TSC22D1: variants seen among roughly 807,000 people sequenced by gnomAD.
The protein encoded by TSC22D1 is TSC22 domain family protein 1.
In TSC22D1, 9 loss-of-function variants were observed where a neutral mutation model predicts 74.2. The observed-to-expected ratio is 0.12, with a 90% CI of 0.07 to 0.21. The LOEUF is 0.21. Ranked by LOEUF, TSC22D1 falls within the 10% of genes least tolerant of loss-of-function variation. The pLI, the probability that TSC22D1 is intolerant of heterozygous loss-of-function variation, is 1.00. For missense variants in TSC22D1, 1,427 were observed against 1,304.7 expected (o/e 1.09, Z -1.44); for synonymous variants, 586 against 492.5 (o/e 1.19, Z -2.51).
chr13:44,457,984 T>C (rs958928074), intron 1 of TSC22D1, among the ~76,000 whole-genome samples: 16 of 152,226 alleles, frequency 1.1e-4, no homozygotes, highest in African/African-American at 3.9e-4. Context: ...TGGACAGAAT[T>C]AGAAAACTAA....
chr13:44,453,952 T>C (rs1464724762), intron 1 of TSC22D1, among the ~76,000 whole-genome samples: 1 of 152,200 alleles, frequency 6.6e-6, no homozygotes, highest in East Asian at 1.9e-4. Context: ...ATGAATTCCT[T>C]TGTTTCATTA....
At chr13:44,436,966 T>TG in intron 1 of TSC22D1, 11 of 1,006,840 alleles carry the variant, frequency 1.1e-5, no homozygotes, top group Non-Finnish European at 1.2e-5. Context: ...CCCGCTTCCC[T>TG]GCTTCCCCGC....
chr13:44,463,206 T>C (rs1877095396), intron 1 of TSC22D1, among the ~76,000 whole-genome samples: 3 of 152,132 alleles, frequency 2.0e-5, no homozygotes, highest in Non-Finnish European at 4.4e-5. Context: ...TGTATAAGCA[T>C]AGAGAACAAA....
chr13:44,548,380 C>T (rs1270271085), intron 1 of TSC22D1, among the ~76,000 whole-genome samples: 1 of 152,182 alleles, frequency 6.6e-6, no homozygotes, highest in Non-Finnish European at 1.5e-5. Flanking sequence ...CACTGCACTC[C>T]AGCCTGGGTG....
At position 44,432,281 on chromosome 13, in the gene TSC22D1, T is replaced by A. The variant is rs1874109605; in HGVS notation, c.*2345A>T. On this transcript the variant is annotated 3_prime_UTR_variant, in exon 3 of 3. Coordinates refer to ENST00000458659, the MANE Select transcript of TSC22D1 (RefSeq NM_183422.4). ...GAAAAAAACTTCTCCACCATCTTAA[T>A]ACACTGACATGAGATTTTTCAAATT... The A allele has an allele frequency of 6.6e-6, 1 of 152,220 alleles. No individual in the cohort carries two copies. The highest frequency in any genetic ancestry group is 2.1e-4 in the South Asian group (1 of 4,830). 9.4% of individuals were successfully genotyped at this position (152,220 alleles called of 1,614,324 possible).
intron 1 of TSC22D1, among the ~76,000 whole-genome samples, chr13:44,455,170 A>T (rs1437608189): frequency 6.6e-6 from 1 of 152,184 alleles, no homozygotes; most frequent in Non-Finnish European, 1.5e-5. Context: ...ATCAGAGAGG[A>T]TGAAATTTTA....
chr13:44,480,068 T>C (rs1054487341), intron 1 of TSC22D1, among the ~76,000 whole-genome samples: 5 of 151,328 alleles, frequency 3.3e-5, no homozygotes, highest in Admixed American at 6.6e-5. Context: ...ATTTGAAAAA[T>C]AGTGTTAATA....
At chr13:44,549,803 G>A (rs1882103538) in intron 1 of TSC22D1, among the ~76,000 whole-genome samples, 1 of 148,574 alleles carries the variant, frequency 6.7e-6, no homozygotes, top group African/African-American at 2.5e-5. Flanking sequence ...AGAAGAAGGC[G>A]GCGGCGGCAA....
chr13:44,542,780 T>A (rs766817783), intron 1 of TSC22D1, among the ~76,000 whole-genome samples: 1 of 152,056 alleles, frequency 6.6e-6, no homozygotes, highest in Non-Finnish European at 1.5e-5. Context: ...ATATAAAAAA[T>A]GTAAAGATGC....
chr13:44,452,906 G>A (rs1316083851), intron 1 of TSC22D1: 1 of 152,330 alleles, frequency 6.6e-6, no homozygotes, highest in Non-Finnish European at 1.5e-5. Flanking sequence ...CTTTTTACAA[G>A]ATGAGAAGTT....
chr13:44,546,127 T>C (rs1280762827), intron 1 of TSC22D1, among the ~76,000 whole-genome samples: 1 of 152,160 alleles, frequency 6.6e-6, no homozygotes, highest in Non-Finnish European at 1.5e-5. Flanking sequence ...AGGAAAATAA[T>C]GTATCAGTCA....
intron 1 of TSC22D1, among the ~76,000 whole-genome samples, chr13:44,547,937 T>G (rs111497675): frequency 6.6e-6 from 1 of 152,160 alleles, no homozygotes; most frequent in Non-Finnish European, 1.5e-5. Flanking sequence ...CTACAGGAAC[T>G]TGCCACTGTG....
chr13:44,551,010 G>A (rs1467405879), intron 1 of TSC22D1, among the ~76,000 whole-genome samples: 2 of 151,472 alleles, frequency 1.3e-5, no homozygotes, highest in Non-Finnish European at 2.9e-5. Flanking sequence ...AAGAGGCTGA[G>A]GTGGGAGGAT....
At chr13:44,520,569 T>C (rs1236417153) in intron 1 of TSC22D1, among the ~76,000 whole-genome samples, 1 of 151,694 alleles carries the variant, frequency 6.6e-6, no homozygotes, top group Admixed American at 6.6e-5. Flanking sequence ...AACATGCTTC[T>C]ATGCATAAGA....
chr13:44,440,357 T>TC (rs1011401565), intron 1 of TSC22D1, among the ~76,000 whole-genome samples: 2 of 151,964 alleles, frequency 1.3e-5, no homozygotes, highest in African/African-American at 4.8e-5. Flanking sequence ...GATGGGCGGA[T>TC]CACTTGAGGT....
intron 1 of TSC22D1, among the ~76,000 whole-genome samples, chr13:44,510,323 C>T (rs914183396): frequency 1.3e-5 from 2 of 151,522 alleles, no homozygotes; most frequent in Admixed American, 6.6e-5. Flanking sequence ...ACCTGCGAGG[C>T]GGGGGTTGCA....
intron 1 of TSC22D1, among the ~76,000 whole-genome samples, chr13:44,478,894 A>T (rs978664340): frequency 1.3e-5 from 2 of 150,064 alleles, no homozygotes; most frequent in Non-Finnish European, 3.0e-5. Context: ...ACACACAGGT[A>T]GTGTGTGTGT....
At chr13:44,536,809 G>A in intron 1 of TSC22D1, 3 of 984,022 alleles carry the variant, frequency 3.0e-6, no homozygotes, top group Non-Finnish European at 3.6e-6. Context: ...AAACTAATCA[G>A]GAAAGATGAT....
intron 1 of TSC22D1, among the ~76,000 whole-genome samples, chr13:44,523,798 T>C (rs991979511): frequency 2.0e-5 from 3 of 152,166 alleles, no homozygotes; most frequent in Non-Finnish European, 2.9e-5. Flanking sequence ...TGAACAGAGA[T>C]TGCAGAAGTT....
Sources: allele counts gnomAD v4.1 joint callset (sites outside exome capture counted in the v4.1 genomes callset), GRCh38; gene constraint gnomAD v4.1.1; transcripts MANE v1.5; gene names NCBI Gene and HGNC (gene_info 2026-07-23, HGNC 2026-07-21).